The following DARS1 variants were observed in gnomAD, a reference collection of about 807,000 sequenced individuals.
The protein encoded by DARS1 is aspartate--tRNA ligase, cytoplasmic.
In DARS1, 51 loss-of-function variants were observed where a neutral mutation model predicts 68.8. The observed-to-expected ratio is 0.74, with a 90% confidence interval of 0.59 to 0.94. The LOEUF is 0.94. Among genes scored for constraint, DARS1 ranks in the 40% least tolerant of loss-of-function variants. The pLI is 0.00. For missense variants in DARS1, 607 were observed against 597.3 expected, an observed-to-expected ratio of 1.02 and a Z score of -0.17; for synonymous variants, 203 against 190.4, an observed-to-expected ratio of 1.07 and a Z score of -0.55.
intron 3 of DARS1, among the ~76,000 whole-genome samples, chr2:135,975,856 C>T (rs765457273): frequency 3.8e-4 from 57 of 149,938 alleles, no homozygotes; most frequent in Non-Finnish European, 1.5e-4. Flanking sequence ...GGCTGAGGCA[C>T]GAGAATTGCT....
At position 135,907,261 on chromosome 2, in the gene DARS1, T is replaced by TTTA; in HGVS notation, c.*54_*55insTAA. The TTTA allele has an allele frequency of 4.5e-6, 4 of 889,230 alleles. No individual in the cohort carries two copies. Among genetic ancestry groups the TTTA allele is most frequent in the Non-Finnish European group, 5.0e-6 (3 of 601,870 alleles). The allele number at this position is 889,230 out of a possible 1,614,324, so 55.1% of individuals were successfully genotyped here. ...GGCTTTCTTTTTTTTTTTTTTTTTTTGAGGCAGGGTCTCGCTCTGTCATCC... is the reference window on the plus strand; with the variant it reads ...GGCTTTCTTTTTTTTTTTTTTTTTTTTTAGAGGCAGGGTCTCGCTCTGTCATCC... On this transcript the variant is annotated 3_prime_UTR_variant, in exon 16 of 16. Coordinates refer to ENST00000264161, the MANE Select transcript of DARS1 (RefSeq NM_001349.4).
chr2:135,950,412 T>C (rs6754311), intron 4 of DARS1, among the ~76,000 whole-genome samples: 91,582 of 152,136 alleles, frequency 0.6, 33,082 homozygotes, highest in East Asian at 1. Flanking sequence ...GTTAGCTCGT[T>C]CACTAACTGA....
intron 9 of DARS1, among the ~76,000 whole-genome samples, chr2:135,922,393 TA>T (rs1681124029): frequency 6.6e-6 from 1 of 152,220 alleles, no homozygotes; most frequent in East Asian, 1.9e-4. Context: ...AATTCTGTTC[TA>T]ACTGCACTGA....
intron 2 of DARS1, among the ~76,000 whole-genome samples, chr2:135,981,343 C>T (rs750263938): frequency 3.0e-4 from 45 of 152,120 alleles, no homozygotes; most frequent in Non-Finnish European, 5.3e-4. Flanking sequence ...TCCTGCTTGC[C>T]CTGGCAGAGG....
At chr2:135,978,701 T>A (rs534321818) in intron 3 of DARS1, among the ~76,000 whole-genome samples, 1 of 152,346 alleles carries the variant, frequency 6.6e-6, no homozygotes, top group South Asian at 2.1e-4. Context: ...ATGATGAGAA[T>A]ATTCTGTATT....
At chr2:135,977,393 T>C (rs1172634798) in intron 3 of DARS1, among the ~76,000 whole-genome samples, 1 of 152,224 alleles carries the variant, frequency 6.6e-6, no homozygotes, top group Non-Finnish European at 1.5e-5. Flanking sequence ...GAGTTTTAAC[T>C]GTTAAGAAGA....
At chr2:135,961,257 C>T in intron 4 of DARS1, 139 bp downstream of exon 4, 1 of 618,532 alleles carries the variant, frequency 1.6e-6, no homozygotes, top group Non-Finnish European at 2.9e-6. Context: ...TATTCAGCAA[C>T]ACTGAACTGA....
Position 135,958,715 on chromosome 2 carries a change from C to T in DARS1, c.320+2681G>A, listed in dbSNP as rs1033951700. Among the ~76,000 whole-genome samples the T allele has an allele frequency of 5.3e-5, 8 of 152,062 alleles. No homozygotes were observed. The East Asian group carries it at 9.6e-4, about 18-fold the overall frequency. ...CTTAGCCATAAGAATTTTCCTTTTT[C>T]GCAAGATAGCAAAAGCCATTAACCC... On this transcript the variant is annotated intron_variant, in intron 4 of 15. Coordinates refer to ENST00000264161, the MANE Select transcript of DARS1 (RefSeq NM_001349.4).
At chr2:135,926,775 G>C (rs927272776) in intron 7 of DARS1, among the ~76,000 whole-genome samples, 1 of 152,156 alleles carries the variant, frequency 6.6e-6, no homozygotes, top group Non-Finnish European at 1.5e-5. Flanking sequence ...CTGCTGGTTG[G>C]AACAAGACAA....
chr2:135,960,954 C>T (rs1205298662), intron 4 of DARS1, among the ~76,000 whole-genome samples: 3 of 152,204 alleles, frequency 2.0e-5, no homozygotes, highest in Admixed American at 2.0e-4. Context: ...TTACTTCCTT[C>T]TGGAGGCAAT....
In DARS1 at chr2:135,924,398, T is replaced by G. The variant is rs765732003; in HGVS notation, c.665A>C (p.Lys222Thr). The change falls in exon 8 of 16, where the codon AAA (lysine) becomes ACA (threonine). Residue 222 changes from lysine (K) to threonine (T), a missense_variant. Lys to Thr is a moderately conservative substitution (Grantham distance 78). Coordinates refer to ENST00000264161, the MANE Select transcript of DARS1 (RefSeq NM_001349.4). ...ATTTTGAAGCATACCTGAAATAATT[T>G]TAGGAGTTTGGATTTCCACAAAACC... ...NKGFVEIQTP[K>T]IISAASEGGA... The G allele has an allele frequency of 6.3e-7, 1 of 1,595,332 alleles. No homozygotes were observed. Among genetic ancestry groups the G allele is most frequent in the Non-Finnish European group, 8.5e-7 (1 of 1,175,026 alleles).
chr2:135,911,879 T>A (rs1048021488), intron 13 of DARS1, among the ~76,000 whole-genome samples: 1 of 151,186 alleles, frequency 6.6e-6, no homozygotes, highest in African/African-American at 2.5e-5. Flanking sequence ...TAATCCCCTG[T>A]CTTTCAATAA....
chr2:135,940,863 A>C (rs372725479), intron 5 of DARS1, among the ~76,000 whole-genome samples: 9 of 152,220 alleles, frequency 5.9e-5, no homozygotes, highest in East Asian at 3.8e-4. Context: ...CTATACACCA[A>C]TAACAAACAA....
chr2:135,913,758 C>CA (rs553347753), intron 12 of DARS1, among the ~76,000 whole-genome samples: 369 of 125,356 alleles, frequency 2.9e-3, no homozygotes, highest in African/African-American at 5.1e-3. Flanking sequence ...AACTCCGTCT[C>CA]AAAAAAAAAA....
intron 5 of DARS1, among the ~76,000 whole-genome samples, chr2:135,937,851 G>A (rs1320409627): frequency 6.6e-6 from 1 of 152,158 alleles, no homozygotes; most frequent in African/African-American, 2.4e-5. Flanking sequence ...AGTTTCTGCC[G>A]AGATATCAGC....
At chr2:135,973,451 G>GA (rs1682428206) in intron 3 of DARS1, among the ~76,000 whole-genome samples, 1 of 150,796 alleles carries the variant, frequency 6.6e-6, no homozygotes, top group Non-Finnish European at 1.5e-5. Context: ...AAGGTGGGGG[G>GA]CCCTGGGAAA....
chr2:135,973,700 T>A (rs1004542921), intron 3 of DARS1, among the ~76,000 whole-genome samples: 6 of 150,634 alleles, frequency 4.0e-5, no homozygotes, highest in Admixed American at 2.7e-4. Context: ...ACAAAAAAAA[T>A]GAAAAAATAA....
chr2:135,971,400 A>AT (rs937204467), intron 3 of DARS1, among the ~76,000 whole-genome samples: 10 of 152,170 alleles, frequency 6.6e-5, no homozygotes, highest in Admixed American at 2.0e-4. Context: ...TCCCTTCATG[A>AT]TAAAAACCCC....
At chr2:135,985,094 T>A (rs1682742442) in intron 1 of DARS1, 1 of 459,488 alleles carries the variant, frequency 2.2e-6, no homozygotes, top group South Asian at 3.7e-5. Flanking sequence ...AGGACGTGCC[T>A]AACCCAGAGA....
Sources: gnomAD v4.1 joint callset for allele counts (sites outside exome capture counted in the v4.1 genomes callset) on GRCh38, gnomAD v4.1.1 for gene constraint, MANE v1.5 for transcripts, NCBI Gene and HGNC (gene_info 2026-07-23, HGNC 2026-07-21) for gene names.